LDB2: variants seen among roughly 807,000 people sequenced by gnomAD.
LDB2 encodes the protein LIM domain binding 2.
LDB2 carries 12 observed loss-of-function variants against 44.3 expected under a neutral mutation model. The observed-to-expected ratio is 0.27, with a 90% CI of 0.17 to 0.44. The LOEUF is 0.44. Among genes scored for constraint, LDB2 ranks in the 20% least tolerant of loss-of-function variants. The probability of loss-of-function intolerance (pLI) is 1.00; values close to 1 mark genes in which losing one functional copy is unlikely to be tolerated. For missense variants in LDB2, 344 were observed against 473.5 expected, an observed-to-expected ratio of 0.73 and a Z score of 2.54; for synonymous variants, 164 against 174.8, an observed-to-expected ratio of 0.94 and a Z score of 0.49.
At chr4:16,637,398 T>C (rs1733914771) in intron 2 of LDB2, among the ~76,000 whole-genome samples, 1 of 146,272 alleles carries the variant, frequency 6.8e-6, no homozygotes, top group Non-Finnish European at 1.5e-5. Flanking sequence ...CATAAGCAAT[T>C]ATGTGGGTGC....
chr4:16,871,169 T>A (rs1179553764), intron 1 of LDB2, among the ~76,000 whole-genome samples: 4 of 152,190 alleles, frequency 2.6e-5, no homozygotes, highest in Non-Finnish European at 5.9e-5. Flanking sequence ...CATGTTACTA[T>A]TATTGGTGCC....
chr4:16,787,971 G>A (rs1774821205), intron 1 of LDB2, among the ~76,000 whole-genome samples: 1 of 152,106 alleles, frequency 6.6e-6, no homozygotes, highest in Admixed American at 6.5e-5. Context: ...ACATGTGCCT[G>A]ACCACTCTCT....
chr4:16,699,865 G>A (rs1440132444), intron 2 of LDB2, among the ~76,000 whole-genome samples: 5 of 152,122 alleles, frequency 3.3e-5, no homozygotes, highest in Admixed American at 6.5e-5. Flanking sequence ...TATGGCGAAC[G>A]CTGCATCCAC....
intron 2 of LDB2, among the ~76,000 whole-genome samples, chr4:16,596,776 G>A (rs1337441136): frequency 6.6e-6 from 1 of 152,150 alleles, no homozygotes; most frequent in Non-Finnish European, 1.5e-5. Context: ...TTCAGCGATT[G>A]TGTAAGTAGC....
At chr4:16,585,732 G>A (rs1716558016) in intron 5 of LDB2, among the ~76,000 whole-genome samples, 190 bp downstream of exon 5, 1 of 152,048 alleles carries the variant, frequency 6.6e-6, no homozygotes, top group Non-Finnish European at 1.5e-5. Flanking sequence ...ACAAATTCCA[G>A]GTTTGATGCT....
chr4:16,869,857 G>A (rs763466916), intron 1 of LDB2, among the ~76,000 whole-genome samples: 1 of 152,214 alleles, frequency 6.6e-6, no homozygotes, highest in African/African-American at 2.4e-5. Context: ...GTTTTAGGTT[G>A]CAAATTTGGA....
At chr4:16,706,648 T>C (rs976736893) in intron 2 of LDB2, among the ~76,000 whole-genome samples, 1 of 152,192 alleles carries the variant, frequency 6.6e-6, no homozygotes, top group Non-Finnish European at 1.5e-5. Flanking sequence ...GTGTGTTAAG[T>C]GTTTGCATTG....
intron 2 of LDB2, among the ~76,000 whole-genome samples, chr4:16,619,631 G>A (rs900637931): frequency 1.5e-5 from 2 of 136,256 alleles, no homozygotes; most frequent in African/African-American, 5.4e-5. Context: ...AGAGCCACCA[G>A]GCCATCGTAA....
chr4:16,782,607 C>T (rs1478690458), intron 1 of LDB2, among the ~76,000 whole-genome samples: 1 of 152,184 alleles, frequency 6.6e-6, no homozygotes, highest in Non-Finnish European at 1.5e-5. Flanking sequence ...GCCTCGGCCT[C>T]CCAAAGTGTT....
At chr4:16,524,487 C>G (rs181016636) in intron 5 of LDB2, among the ~76,000 whole-genome samples, 2 of 152,156 alleles carry the variant, frequency 1.3e-5, no homozygotes, top group East Asian at 3.9e-4. Flanking sequence ...CGTGTGAATG[C>G]AAGAGAACAG....
chr4:16,668,891 G>A lies in LDB2; in HGVS notation c.236-73016C>T, dbSNP rs116085238. 9.3e-3 allele frequency among the ~76,000 whole-genome samples: 1,410 copies of A among 152,202 alleles called. 28 individuals are homozygous for A. The highest frequency in any genetic ancestry group is 0.032 in the African/African-American group (1,325 of 41,510). On this transcript the variant is annotated intron_variant, in intron 2 of 7. Coordinates refer to ENST00000304523, the MANE Select transcript of LDB2 (RefSeq NM_001290.5). ...CCCAGTGCTTAGGACCTACATTCTG[G>A]CTCCCTATTTGGAGTGGAAAAAGAG...
intron 1 of LDB2, among the ~76,000 whole-genome samples, chr4:16,894,189 T>C (rs936315099): frequency 6.6e-5 from 10 of 152,294 alleles, no homozygotes; most frequent in Admixed American, 5.9e-4. Flanking sequence ...TATATAATTG[T>C]GCGGTTGTAT....
chr4:16,856,726 G>A (rs192886212), intron 1 of LDB2, among the ~76,000 whole-genome samples: 79 of 152,236 alleles, frequency 5.2e-4, no homozygotes, highest in African/African-American at 1.6e-3. Flanking sequence ...TTTGGGCACC[G>A]TTCTAATCAT....
intron 1 of LDB2, among the ~76,000 whole-genome samples, chr4:16,865,135 C>G (rs1362465745): frequency 6.6e-6 from 1 of 151,966 alleles, no homozygotes; most frequent in East Asian, 1.9e-4. Context: ...GCCTGTAGTC[C>G]CAGCTCCTAG....
chr4:16,667,966 C>T (rs2152551405), intron 2 of LDB2, among the ~76,000 whole-genome samples: 1 of 152,226 alleles, frequency 6.6e-6, no homozygotes, highest in South Asian at 2.1e-4. Flanking sequence ...CAAGAATATC[C>T]TATATAACAG....
At chr4:16,505,965 C>T in intron 7 of LDB2, 5 of 1,551,662 alleles carry the variant, frequency 3.2e-6, no homozygotes, top group South Asian at 1.2e-5. Flanking sequence ...GGCTGCAGTT[C>T]GGGATCGCTC....
intron 2 of LDB2, among the ~76,000 whole-genome samples, chr4:16,754,511 C>G (rs549354705): frequency 6.6e-5 from 10 of 151,828 alleles, no homozygotes; most frequent in Non-Finnish European, 1.5e-4. Flanking sequence ...TTTTCACAAG[C>G]CAGTGATGGC....
At chr4:16,738,936 ATTC>A (rs1762410098) in intron 2 of LDB2, among the ~76,000 whole-genome samples, 1 of 152,164 alleles carries the variant, frequency 6.6e-6, no homozygotes. Context: ...TCTGGGCCCA[ATTC>A]TTCTAACTTG....
At chr4:16,791,869 A>G (rs987021705) in intron 1 of LDB2, among the ~76,000 whole-genome samples, 2 of 152,224 alleles carry the variant, frequency 1.3e-5, no homozygotes, top group Non-Finnish European at 2.9e-5. Flanking sequence ...CATTCATTTC[A>G]GCAACTTGAG....
Sources: allele counts gnomAD v4.1 joint callset (sites outside exome capture counted in the v4.1 genomes callset), GRCh38; gene constraint gnomAD v4.1.1; transcripts MANE v1.5; gene names NCBI Gene and HGNC (gene_info 2026-07-23, HGNC 2026-07-21).